Variants in ZNF808 observed in about 807,000 individuals in gnomAD.
ZNF808 encodes the protein zinc finger protein 808.
A neutral mutation model predicts 8.7 loss-of-function variants in ZNF808; 5 were observed. The observed-to-expected ratio is 0.58, with a 90% confidence interval of 0.30 to 1.21. The LOEUF is 1.21. Among genes scored for constraint, ZNF808 ranks in the 50% most tolerant of loss-of-function variants. ZNF808 has a pLI of 0.07. For missense variants in ZNF808, 1,103 were observed against 1,098.4 expected (o/e 1.00, Z -0.06); for synonymous variants, 380 against 366.0 (o/e 1.04, Z -0.44).
chr19:52,548,064 A>G (rs2059740818), intron 4 of ZNF808, among the ~76,000 whole-genome samples: 1 of 152,066 alleles, frequency 6.6e-6, no homozygotes, highest in Admixed American at 6.6e-5. Context: ...GGAGCATCAC[A>G]GAAGCGTCTC....
chr19:52,552,616 T>C (rs1417433260), intron 4 of ZNF808, among the ~76,000 whole-genome samples: 2 of 151,982 alleles, frequency 1.3e-5, no homozygotes, highest in African/African-American at 4.8e-5. Context: ...AGTGCTATAA[T>C]TGTTTGATAA....
downstream of ZNF808, among the ~76,000 whole-genome samples, chr19:52,561,181 T>C (rs1414782838): frequency 3.6e-5 from 2 of 55,670 alleles, no homozygotes; most frequent in Non-Finnish European, 3.7e-5. Flanking sequence ...TCTCTCTCTC[T>C]CTCTCTCTCT....
Position 52,554,914 on chromosome 19 carries a change from T to G in ZNF808, c.1998T>G (p.Leu666=). Residue 666 remains leucine (L), a synonymous_variant, in exon 5 of 5, where the codon CTT becomes CTG. Coordinates refer to ENST00000359798, the MANE Select transcript of ZNF808 (RefSeq NM_001039886.4). ...CGKTFSYKSS[L]VWHRRLHGGE... is the part of the protein sequence containing the mutation. ...AGACCTTCAGTTACAAGTCATCACTTGTATGGCATCGTAGACTTCATGGTG... is the reference window on the plus strand; with the variant it reads ...AGACCTTCAGTTACAAGTCATCACTGGTATGGCATCGTAGACTTCATGGTG... 6.2e-7 allele frequency: 1 copy of G among 1,614,230 alleles called. No individual in the cohort carries two copies. Among genetic ancestry groups the G allele is most frequent in the East Asian group, 2.2e-5 (1 of 44,880 alleles).
chr19:52,544,127 C>G (rs912760648), intron 3 of ZNF808, among the ~76,000 whole-genome samples: 41 of 152,120 alleles, frequency 2.7e-4, no homozygotes, highest in African/African-American at 9.9e-4. Flanking sequence ...CCACTGCACT[C>G]CAGCCTGGGA....
intron 1 of ZNF808, among the ~76,000 whole-genome samples, chr19:52,532,374 C>T (rs1000680096): frequency 2.6e-5 from 4 of 151,918 alleles, no homozygotes; most frequent in Non-Finnish European, 4.4e-5. Context: ...TACAGGTGAC[C>T]GCCACCACGC....
At chr19:52,537,279 AGAGGGGTACAAAAT>A (rs2059622483) in intron 2 of ZNF808, among the ~76,000 whole-genome samples, 1 of 152,128 alleles carries the variant, frequency 6.6e-6, no homozygotes, top group Admixed American at 6.6e-5. Flanking sequence ...GCAGGAGAGT[AGAGGGGTACAAAAT>A]GAGGAGCACA....
rs1226364914 is a variant in ZNF808 at position 52,554,279 on chromosome 19, TAC to T, written c.1365_1366del (p.Tyr455Ter). The T allele has an allele frequency of 6.2e-7, 1 of 1,614,130 alleles. No homozygotes were observed. Among genetic ancestry groups the T allele is most frequent in the South Asian group, 1.1e-5 (1 of 91,080 alleles). On this transcript the variant is annotated frameshift_variant, in exon 5 of 5. Coordinates refer to ENST00000359798, the MANE Select transcript of ZNF808 (RefSeq NM_001039886.4). LOFTEE classifies it low-confidence loss of function (END_TRUNC). ...HKRIHTGEKP[Y>X]KCKVCDTAFT... ...GAGAATTCATACTGGAGAGAAACCA[TAC>T]AAATGTAAGGTTTGTGATACAGCTT... is the stretch of plus-strand genomic sequence containing the variant.
At chr19:52,536,021 G>C (rs1440098268) in intron 2 of ZNF808, 1 of 165,886 alleles carries the variant, frequency 6.0e-6, no homozygotes, top group Non-Finnish European at 1.3e-5. Flanking sequence ...GGCGGATCGC[G>C]TGGAGTGAAG....
At chr19:52,531,635 C>T (rs2059562914) in intron 1 of ZNF808, among the ~76,000 whole-genome samples, 2 of 152,148 alleles carry the variant, frequency 1.3e-5, no homozygotes, top group South Asian at 4.1e-4. Flanking sequence ...CCAATATAAA[C>T]ATTCAGACCA....
intron 2 of ZNF808, among the ~76,000 whole-genome samples, chr19:52,542,777 A>G (rs766448027): frequency 2.0e-5 from 3 of 152,010 alleles, no homozygotes; most frequent in Non-Finnish European, 2.9e-5. Context: ...TAGGTCACAG[A>G]GAAATGAGGC....
chr19:52,547,676 C>G (rs145488326), intron 4 of ZNF808, 38 bp downstream of exon 4: 17 of 1,609,376 alleles, frequency 1.1e-5, no homozygotes, highest in Non-Finnish European at 1.4e-5. Context: ...GGAGTCTGCT[C>G]CTGTCTATCT....
Position 52,543,339 on chromosome 19 carries a change from C to T in ZNF808, c.55C>T (p.Leu19Phe). ...KRKGKESGMA[L>F]PQGRLTFRDV... ...GAAAGGAAAGGAGTCAGGCATGGCT[C>T]TTCCTCAGGTGAAGTGATATTCCTC... The change falls in exon 3 of 5, where the codon CTT (leucine) becomes TTT (phenylalanine). Residue 19 changes from leucine to phenylalanine, a missense_variant. Transcript: ENST00000359798. The T allele has an allele frequency of 6.2e-7, 1 of 1,613,190 alleles. No individual in the cohort carries two copies. Among genetic ancestry groups the T allele is most frequent in the Non-Finnish European group, 8.5e-7 (1 of 1,179,780 alleles).
At chr19:52,546,284 T>G (rs326440) in intron 3 of ZNF808, among the ~76,000 whole-genome samples, 1 of 151,222 alleles carries the variant, frequency 6.6e-6, no homozygotes, top group Non-Finnish European at 1.5e-5. Context: ...GCCTCCTGAT[T>G]TCAAGCAATT....
At chr19:52,556,882 A>G (rs142637070), downstream of ZNF808, 35 of 152,296 alleles carry the variant, frequency 2.3e-4, no homozygotes, top group African/African-American at 8.2e-4. Flanking sequence ...GTTTCTCTCA[A>G]GGCCCTCTGG....
chr19:52,539,917 A>T (rs2059653980), intron 2 of ZNF808, among the ~76,000 whole-genome samples: 1 of 151,596 alleles, frequency 6.6e-6, no homozygotes, highest in Non-Finnish European at 1.5e-5. Context: ...GGATCACAGC[A>T]CTGTGCAGCG....
rs778241082 is a variant in ZNF808, at chr19:52,553,777, C to G, written c.861C>G (p.Tyr287Ter). 6.2e-7 allele frequency: 1 copy of G among 1,614,124 alleles called. No homozygotes were observed. Among genetic ancestry groups the G allele is most frequent in the Non-Finnish European group, 8.5e-7 (1 of 1,180,008 alleles). Reference protein sequence around the residue: ...HRRCHTGEKPYKCKECGKSFS... With the variant: ...HRRCHTGEKP ...GATGTCACACTGGAGAGAAACCTTACAAGTGTAAAGAGTGTGGAAAGTCCT... is the reference window on the plus strand; with the variant it reads ...GATGTCACACTGGAGAGAAACCTTAGAAGTGTAAAGAGTGTGGAAAGTCCT... The change falls in exon 5 of 5, where the codon TAC becomes TAG. Residue 287 changes from tyrosine to a stop codon, truncating the protein, a stop_gained. Transcript: ENST00000359798. LOFTEE classifies it low-confidence loss of function (END_TRUNC).
At chr19:52,528,933 T>TAG (rs932538447) in intron 1 of ZNF808, among the ~76,000 whole-genome samples, 8 of 147,126 alleles carry the variant, frequency 5.4e-5, no homozygotes, top group Non-Finnish European at 1.0e-4. Flanking sequence ...AGAGAAGGAA[T>TAG]AGAGGGAAGA....
chr19:52,527,989 C>G (rs2059525393), intron 1 of ZNF808: 1 of 152,526 alleles, frequency 6.6e-6, no homozygotes. Flanking sequence ...CTCTTCCCTC[C>G]TCGCGCTATT....
downstream of ZNF808, among the ~76,000 whole-genome samples, chr19:52,557,783 C>T (rs1477102044): frequency 6.6e-6 from 1 of 152,110 alleles, no homozygotes; most frequent in Admixed American, 6.6e-5. Flanking sequence ...TAAGATGCTT[C>T]TCTGATTTTC....
Sources: allele counts gnomAD v4.1 joint callset (sites outside exome capture counted in the v4.1 genomes callset), GRCh38; gene constraint gnomAD v4.1.1; transcripts MANE v1.5; gene names NCBI Gene and HGNC (gene_info 2026-07-23, HGNC 2026-07-21).